Variants in DSCAML1 observed in about 807,000 individuals in gnomAD.
DSCAML1 encodes cell adhesion molecule DSCAML1.
In DSCAML1, 38 loss-of-function variants were observed where a neutral mutation model predicts 200.5. That is an observed-to-expected ratio of 0.19 (90% CI 0.15 to 0.25). The LOEUF is 0.25. Among genes scored for constraint, DSCAML1 ranks in the 10% least tolerant of loss-of-function variants. The pLI is 1.00. For missense variants in DSCAML1, 2,223 were observed against 2,858.8 expected (o/e 0.78, Z 5.07); for synonymous variants, 1,215 against 1,165.0 (o/e 1.04, Z -0.87).
chr11:117,490,433 G>A (rs978051161), intron 11 of DSCAML1, among the ~76,000 whole-genome samples: 2 of 152,174 alleles, frequency 1.3e-5, no homozygotes, highest in African/African-American at 4.8e-5. Flanking sequence ...AGGCGTGGAG[G>A]TAGAGTTCTA....
At chr11:117,608,090 A>T (rs1464402651) in intron 3 of DSCAML1, among the ~76,000 whole-genome samples, 1 of 152,246 alleles carries the variant, frequency 6.6e-6, no homozygotes, top group Non-Finnish European at 1.5e-5. Flanking sequence ...CTTGAGACCC[A>T]TTGTGTAAGG....
chr11:117,545,123 G>C (rs983979957), intron 3 of DSCAML1, among the ~76,000 whole-genome samples: 2 of 152,038 alleles, frequency 1.3e-5, no homozygotes, highest in African/African-American at 4.8e-5. Flanking sequence ...CCAGATACTC[G>C]GGAGGCCGAG....
At chr11:117,712,069 T>C (rs2053859039) in intron 3 of DSCAML1, among the ~76,000 whole-genome samples, 1 of 152,250 alleles carries the variant, frequency 6.6e-6, no homozygotes, top group Non-Finnish European at 1.5e-5. Flanking sequence ...CATGGCATTA[T>C]GAGCTATATA....
Position 117,439,380 on chromosome 11 carries a change from T to C in DSCAML1, c.4030A>G (p.Thr1344Ala). ...VSMDGHRLIHTNGTLLLRAVK... is the reference protein window; with the variant it reads ...VSMDGHRLIHANGTLLLRAVK... Reference sequence around the variant, plus strand: ...GCACGCAGCAGCAGTGTGCCATTGGTGTGGATGAGCCGGTGCCCATCCATG... The same window carrying C: ...GCACGCAGCAGCAGTGTGCCATTGGCGTGGATGAGCCGGTGCCCATCCATG... The change falls in exon 23 of 33, where the codon ACC becomes GCC. Residue 1344 changes from threonine to alanine, a missense_variant. Physicochemically the swap from Thr to Ala is moderately conservative, Grantham distance 58. Coordinates refer to ENST00000651296, the MANE Select transcript of DSCAML1 (RefSeq NM_020693.4). 6 of 1,613,694 alleles carry C rather than the reference T, an allele frequency of 3.7e-6. No homozygotes were observed. The highest frequency in any genetic ancestry group is 5.1e-6 in the Non-Finnish European group (6 of 1,179,952).
intron 3 of DSCAML1, among the ~76,000 whole-genome samples, chr11:117,598,385 T>G (rs1417690092): frequency 6.6e-6 from 1 of 152,214 alleles, no homozygotes; most frequent in Non-Finnish European, 1.5e-5. Context: ...GTTCATTAAC[T>G]TGCCCAAGGT....
intron 19 of DSCAML1, among the ~76,000 whole-genome samples, chr11:117,452,856 C>G (rs1383094448): frequency 6.6e-6 from 1 of 152,206 alleles, no homozygotes; most frequent in Admixed American, 6.5e-5. Context: ...CACTTTTCTT[C>G]TCAGACAATG....
At chr11:117,492,742 G>A (rs966002330) in intron 11 of DSCAML1, among the ~76,000 whole-genome samples, 2 of 152,224 alleles carry the variant, frequency 1.3e-5, no homozygotes, top group Non-Finnish European at 2.9e-5. Context: ...TGGGAGCAGC[G>A]CTTCACTCAG....
chr11:117,495,599 G>C (rs939264426), intron 11 of DSCAML1, among the ~76,000 whole-genome samples: 1 of 152,264 alleles, frequency 6.6e-6, no homozygotes, highest in South Asian at 2.1e-4. Context: ...GGCTTGCCTG[G>C]TCTAGCACAC....
intron 3 of DSCAML1, among the ~76,000 whole-genome samples, chr11:117,658,540 G>A (rs1057182549): frequency 2.0e-5 from 3 of 152,160 alleles, no homozygotes; most frequent in African/African-American, 7.2e-5. Context: ...ACACGTCAGG[G>A]CATTATATTT....
chr11:117,709,919 C>T (rs1203729761), intron 3 of DSCAML1, among the ~76,000 whole-genome samples: 1 of 152,178 alleles, frequency 6.6e-6, no homozygotes, highest in Non-Finnish European at 1.5e-5. Flanking sequence ...AGAGCCCCTG[C>T]CTCCAGCCAG....
chr11:117,556,357 T>TGGGCCACAGA (rs1286185007), intron 3 of DSCAML1, among the ~76,000 whole-genome samples: 3 of 152,124 alleles, frequency 2.0e-5, no homozygotes, highest in African/African-American at 7.2e-5. Flanking sequence ...GCTCATCTGA[T>TGGGCCACAGA]GGGCCACAGA....
rs551227225 is a variant in DSCAML1 at position 117,503,148 on chromosome 11, C to T, written c.2359+697G>A. 7.6e-4 allele frequency among the ~76,000 whole-genome samples: 115 copies of T among 152,254 alleles called. 1 individual carries two copies. Among genetic ancestry groups the T allele is most frequent in the African/African-American group, 2.6e-3 (107 of 41,558 alleles). ...GCAAATAGGCAGTGTGCTTCTAGGG[C>T]CGTTGAGGCTGGCTCTGGGCAGGGG... On this transcript the variant is annotated intron_variant, in intron 11 of 32. Transcript: ENST00000651296. This position sits in a 1 kb window ranked among gnomAD's most constrained non-coding sequence, Gnocchi z 5.2.
intron 14 of DSCAML1, among the ~76,000 whole-genome samples, chr11:117,473,747 T>C (rs1747628896): frequency 1.3e-5 from 2 of 152,246 alleles, no homozygotes; most frequent in South Asian, 4.1e-4. Flanking sequence ...GGCAGGCTGT[T>C]GGTGCTCAAA....
intron 3 of DSCAML1, among the ~76,000 whole-genome samples, chr11:117,711,581 A>G (rs576571926): frequency 2.6e-5 from 4 of 152,294 alleles, no homozygotes; most frequent in Non-Finnish European, 4.4e-5. Flanking sequence ...CGCGTCTCCA[A>G]TTCCTGACAC....
chr11:117,814,056 C>A (rs1258146241), intron 1 of DSCAML1, among the ~76,000 whole-genome samples: 1 of 152,148 alleles, frequency 6.6e-6, no homozygotes, highest in Admixed American at 6.5e-5. Flanking sequence ...TTCTGCCCCA[C>A]CTTAACTGAG....
intron 3 of DSCAML1, among the ~76,000 whole-genome samples, chr11:117,683,651 C>T (rs1020255715): frequency 3.3e-5 from 5 of 152,172 alleles, no homozygotes; most frequent in African/African-American, 7.2e-5. Context: ...TGTAGCCTCT[C>T]GGGCCAAATG....
intron 3 of DSCAML1, among the ~76,000 whole-genome samples, chr11:117,690,213 T>A (rs924787139): frequency 1.3e-5 from 2 of 152,264 alleles, no homozygotes; most frequent in African/African-American, 4.8e-5. Flanking sequence ...CAGATTCTAC[T>A]GAGTACCTAT....
At chr11:117,445,817 C>T (rs1373188277) in intron 20 of DSCAML1, among the ~76,000 whole-genome samples, 7 of 152,152 alleles carry the variant, frequency 4.6e-5, no homozygotes, top group Admixed American at 1.3e-4. Flanking sequence ...AGCATCCAAC[C>T]CAGATACTGG....
Position 117,516,486 on chromosome 11 carries a change from G to A in DSCAML1, c.1764C>T (p.Ser588=), listed in dbSNP as rs1035874201. The A allele has an allele frequency of 5.0e-6, 8 of 1,613,728 alleles. No individual in the cohort carries two copies. The East Asian group carries it at 8.9e-5, about 18-fold the overall frequency. The change falls in exon 8 of 33, where the codon AGC becomes AGT. Residue 588 remains serine, a synonymous_variant. Coordinates refer to ENST00000651296, the MANE Select transcript of DSCAML1 (RefSeq NM_020693.4). This position sits in a 1 kb window ranked among gnomAD's most constrained non-coding sequence, Gnocchi z 5.7. ...GCCTACCTTTGACGGCTACGTGAAC[G>A]CTCTGGCTGATGGAGAGCTGGGGCT... The part of the protein sequence containing the change: ...LIQPQLSISQ[S]VHVAVKVPPL...
Sources: gnomAD v4.1 joint callset for allele counts (sites outside exome capture counted in the v4.1 genomes callset) on GRCh38, gnomAD v4.1.1 for gene constraint, Gnocchi (gnomAD v3.1) non-coding constraint, MANE v1.5 for transcripts, NCBI Gene and HGNC (gene_info 2026-07-23, HGNC 2026-07-21) for gene names.